The following PRR16 variants were observed in gnomAD, a reference collection of about 807,000 sequenced individuals.
PRR16 encodes proline rich 16.
A neutral mutation model predicts 18.2 loss-of-function variants in PRR16; 6 were observed. The ratio of observed to expected loss-of-function variants is 0.33; its 90% CI spans 0.18 to 0.65. The LOEUF (loss-of-function observed/expected upper bound fraction) is 0.65, where lower values mean the gene tolerates loss of function less well. Among genes scored for constraint, PRR16 ranks in the 30% least tolerant of loss-of-function variants. The pLI is 0.74. For missense variants in PRR16, 412 were observed against 376.6 expected (o/e 1.09, Z -0.78); for synonymous variants, 151 against 147.8 (o/e 1.02, Z -0.16).
chr5:120,573,685 T>A (rs1206312948), intron 1 of PRR16, among the ~76,000 whole-genome samples: 1 of 152,228 alleles, frequency 6.6e-6, no homozygotes, highest in Non-Finnish European at 1.5e-5. Flanking sequence ...ATAAAAACAA[T>A]GCTTGTTATT....
the PRR16 span, among the ~76,000 whole-genome samples, chr5:120,736,738 C>T: frequency 1.3e-5 from 2 of 151,618 alleles, no homozygotes; most frequent in African/African-American, 2.4e-5. Flanking sequence ...GATGTCTTTC[C>T]GTTTATGTGT....
intron 1 of PRR16, among the ~76,000 whole-genome samples, chr5:120,517,298 A>T (rs1751029609): frequency 1.3e-5 from 2 of 152,174 alleles, no homozygotes; most frequent in Non-Finnish European, 2.9e-5. Flanking sequence ...CCATGTAAAT[A>T]AATTAGAACA....
chr5:120,475,527 C>T (rs977987282), intron 1 of PRR16, among the ~76,000 whole-genome samples: 5 of 151,820 alleles, frequency 3.3e-5, no homozygotes, highest in African/African-American at 9.7e-5. Context: ...TGCTTGAGGC[C>T]AGGAGTTCAA....
At chr5:120,774,921 C>T in the PRR16 span, among the ~76,000 whole-genome samples, 2 of 152,108 alleles carry the variant, frequency 1.3e-5, no homozygotes, top group Admixed American at 1.3e-4. Context: ...AAAAACCAGC[C>T]ACTGGATTTA....
chr5:120,774,526 C>T, the PRR16 span, among the ~76,000 whole-genome samples: 1 of 152,102 alleles, frequency 6.6e-6, no homozygotes, highest in South Asian at 2.1e-4. Context: ...CCACCCGATG[C>T]TACTGATCAT....
At chr5:120,659,497 C>T (rs987667694) in intron 1 of PRR16, among the ~76,000 whole-genome samples, 1 of 151,886 alleles carries the variant, frequency 6.6e-6, no homozygotes. Flanking sequence ...TATTTTGATA[C>T]ATTCATGTGA....
the PRR16 span, among the ~76,000 whole-genome samples, chr5:120,766,161 T>TAAGTACATACTTCA: frequency 9.2e-5 from 14 of 152,140 alleles, no homozygotes; most frequent in African/African-American, 3.4e-4. Context: ...ATTTTTAGCT[T>TAAGTACATACTTCA]AAGTACATAC....
At chr5:120,770,924 A>ACTCTCTCTCTCTCTCTCTCTCT in the PRR16 span, among the ~76,000 whole-genome samples, 1 of 38,530 alleles carries the variant, frequency 2.6e-5, no homozygotes, top group African/African-American at 8.7e-5. Flanking sequence ...ACTCATTGGA[A>ACTCTCTCTCTCTCTCTCTCTCT]CACTCTCTCT....
At chr5:120,772,854 A>G in the PRR16 span, among the ~76,000 whole-genome samples, 1 of 152,134 alleles carries the variant, frequency 6.6e-6, no homozygotes, top group African/African-American at 2.4e-5. Flanking sequence ...CCTTCAAGCC[A>G]TATACAGTTT....
chr5:120,517,400 C>G (rs1028790794), intron 1 of PRR16, among the ~76,000 whole-genome samples: 37 of 152,048 alleles, frequency 2.4e-4, no homozygotes, highest in Admixed American at 2.4e-3. Context: ...TTCCCACAAA[C>G]CCTCACTAAC....
chr5:120,618,415 T>G (rs1754582106), intron 1 of PRR16: 2 of 920,538 alleles, frequency 2.2e-6, no homozygotes, highest in Non-Finnish European at 2.6e-6. Context: ...GTTTTGAGAT[T>G]ATAGTAATTA....
chr5:120,595,998 G>T (rs886344296), intron 1 of PRR16, among the ~76,000 whole-genome samples: 2 of 151,878 alleles, frequency 1.3e-5, no homozygotes, highest in African/African-American at 4.8e-5. Context: ...AGCAGTGATT[G>T]TGAAACTTGC....
At chr5:120,501,899 T>C (rs1371512960) in intron 1 of PRR16, among the ~76,000 whole-genome samples, 1 of 129,908 alleles carries the variant, frequency 7.7e-6, no homozygotes, top group African/African-American at 3.0e-5. Context: ...GAGCTTGCAG[T>C]GAGCCGAGAT....
chr5:120,488,873 A>G (rs1269926021), intron 1 of PRR16, among the ~76,000 whole-genome samples: 1 of 152,152 alleles, frequency 6.6e-6, no homozygotes, highest in East Asian at 1.9e-4. Context: ...TTGGTTTCAA[A>G]GAACATCTTT....
chr5:120,732,530 A>G, the PRR16 span, among the ~76,000 whole-genome samples: 9 of 152,318 alleles, frequency 5.9e-5, no homozygotes, highest in African/African-American at 1.9e-4. Flanking sequence ...TGTTGGAAGC[A>G]TATATAATTC....
chr5:120,502,241 A>G (rs1203567713), intron 1 of PRR16, among the ~76,000 whole-genome samples: 3 of 150,886 alleles, frequency 2.0e-5, no homozygotes, highest in Admixed American at 1.3e-4. Context: ...GTTTCCTTTT[A>G]TATGTTTTCC....
At chr5:120,583,680 G>C (rs530345159) in intron 1 of PRR16, among the ~76,000 whole-genome samples, 1 of 152,094 alleles carries the variant, frequency 6.6e-6, no homozygotes, top group African/African-American at 2.4e-5. Flanking sequence ...GCTGACACAA[G>C]GACACCTCTG....
intron 1 of PRR16, among the ~76,000 whole-genome samples, chr5:120,641,023 G>C (rs1305425003): frequency 6.6e-6 from 1 of 152,068 alleles, no homozygotes; most frequent in Non-Finnish European, 1.5e-5. Context: ...CTAGGCCTTG[G>C]CAACCAGAAG....
chr5:120,794,447 G>A, the PRR16 span, among the ~76,000 whole-genome samples: 3 of 152,068 alleles, frequency 2.0e-5, no homozygotes, highest in East Asian at 1.9e-4. Context: ...TGCATCATTA[G>A]TATATTGATA....
Sources: gnomAD v4.1 joint callset for allele counts (sites outside exome capture counted in the v4.1 genomes callset) on GRCh38, gnomAD v4.1.1 for gene constraint, MANE v1.5 for transcripts, NCBI Gene and HGNC (gene_info 2026-07-23, HGNC 2026-07-21) for gene names.